Variants in GCH1 observed in about 807,000 individuals in gnomAD.
GCH1 encodes GTP cyclohydrolase 1, also known as GTP cyclohydrolase I.
GCH1 carries 5 observed loss-of-function variants against 25.9 expected under a neutral mutation model. The observed-to-expected ratio is 0.19, with a 90% CI of 0.10 to 0.41. The LOEUF is 0.41. Among genes scored for constraint, GCH1 ranks in the 10% least tolerant of loss-of-function variants. The pLI is 1.00. For synonymous variants in GCH1, 159 were observed against 129.6 expected (o/e 1.23, Z -1.54); for missense variants, 261 against 336.5 (o/e 0.78, Z 1.75).
intron 1 of GCH1, among the ~76,000 whole-genome samples, chr14:54,866,915 C>T (rs900279519): frequency 6.6e-5 from 10 of 152,162 alleles, no homozygotes; most frequent in South Asian, 2.1e-4. Flanking sequence ...GAGAAAAAGG[C>T]GCAGTGTCAC....
intron 1 of GCH1, among the ~76,000 whole-genome samples, chr14:54,868,928 G>A (rs1473220474): frequency 2.6e-5 from 4 of 151,986 alleles, no homozygotes; most frequent in Admixed American, 6.5e-5. Flanking sequence ...TTTTAGAGAT[G>A]GGATCTTGAT....
chr14:54,877,707 C>T (rs560500673), intron 1 of GCH1, among the ~76,000 whole-genome samples: 6 of 152,232 alleles, frequency 3.9e-5, no homozygotes, highest in East Asian at 3.9e-4. Flanking sequence ...GTTGCCCAGG[C>T]TGGTCTCAAA....
At chr14:54,883,989 C>T (rs866307470) in intron 1 of GCH1, among the ~76,000 whole-genome samples, 1 of 152,168 alleles carries the variant, frequency 6.6e-6, no homozygotes, top group Non-Finnish European at 1.5e-5. Flanking sequence ...AAGTTGTACC[C>T]ACATTCTAGA....
chr14:54,865,274 G>A lies in GCH1; in HGVS notation c.453+53C>T, dbSNP rs529294290. 6.7e-4 allele frequency: 565 copies of A among 844,768 alleles called. 1 individual carries two copies. In the African/African-American group the frequency reaches 8.5e-3, roughly 13 times the overall value. The allele number at this position is 844,768 out of a possible 1,614,324, so 52.3% of individuals were successfully genotyped here. ...AATTTTAAATATAATTATTCTAATT[G>A]AAAAACTTTCACTATGTTTTAAATT... On this transcript the variant is annotated intron_variant, in intron 2 of 5. Coordinates refer to ENST00000491895, the MANE Select transcript of GCH1 (RefSeq NM_000161.3).
chr14:54,882,111 C>A (rs1466950381), intron 1 of GCH1, among the ~76,000 whole-genome samples: 1 of 152,224 alleles, frequency 6.6e-6, no homozygotes, highest in Admixed American at 6.5e-5. Context: ...AATCCCTCCA[C>A]CCTGATGCAA....
Position 54,902,038 on chromosome 14 carries a change from C to G in GCH1, c.343+283G>C, listed in dbSNP as rs376427058. Among the ~76,000 whole-genome samples, 10 of 152,264 alleles carry G rather than the reference C, an allele frequency of 6.6e-5. No homozygotes were observed. The East Asian group carries it at 1.9e-3, about 29-fold the overall frequency. ...CTCCGGGCTCCCGTCCACGCCCACC[C>G]GGGGCGTTCTAGGAGGGCTGCGCGC... is the stretch of plus-strand genomic sequence containing the variant. On this transcript the variant is annotated intron_variant, in intron 1 of 5. Coordinates refer to ENST00000491895, the MANE Select transcript of GCH1 (RefSeq NM_000161.3).
intron 1 of GCH1, chr14:54,885,570 C>A: frequency 2.5e-6 from 1 of 393,460 alleles, no homozygotes; most frequent in East Asian, 7.1e-5. Flanking sequence ...AGGGATGAAT[C>A]CCTGATGTCA....
At chr14:54,844,620 A>G (rs2039612564) in intron 5 of GCH1, among the ~76,000 whole-genome samples, 1 of 152,220 alleles carries the variant, frequency 6.6e-6, no homozygotes, top group South Asian at 2.1e-4. Context: ...GAATTCAGAT[A>G]ATGGTGACCA....
At chr14:54,847,845 C>G (rs2039666890) in intron 3 of GCH1, among the ~76,000 whole-genome samples, 1 of 151,934 alleles carries the variant, frequency 6.6e-6, no homozygotes, top group East Asian at 1.9e-4. Flanking sequence ...TTTTAAAGTT[C>G]CAAATCATCA....
intron 2 of GCH1, among the ~76,000 whole-genome samples, chr14:54,862,138 C>T (rs2039905728): frequency 6.6e-6 from 1 of 152,040 alleles, no homozygotes; most frequent in African/African-American, 2.4e-5. Flanking sequence ...AAGCAATCTT[C>T]CTGCCTCAGA....
At chr14:54,865,816 A>C (rs944300125) in intron 1 of GCH1, among the ~76,000 whole-genome samples, 4 of 152,214 alleles carry the variant, frequency 2.6e-5, no homozygotes, top group African/African-American at 9.6e-5. Context: ...GTCTATAATC[A>C]ATATGTAGAA....
At chr14:54,897,568 C>T (rs1042582498) in intron 1 of GCH1, among the ~76,000 whole-genome samples, 27 of 152,060 alleles carry the variant, frequency 1.8e-4, no homozygotes, top group Middle Eastern at 3.4e-3. Context: ...GGATTACAGG[C>T]GTGAGCCACC....
intron 1 of GCH1, among the ~76,000 whole-genome samples, chr14:54,900,313 G>A (rs928892907): frequency 6.6e-5 from 10 of 151,862 alleles, no homozygotes; most frequent in Admixed American, 5.9e-4. Context: ...GGGTTCAAGT[G>A]ATTCTCCTGC....
At chr14:54,901,939 G>C (rs1386065306) in intron 1 of GCH1, among the ~76,000 whole-genome samples, 1 of 152,188 alleles carries the variant, frequency 6.6e-6, no homozygotes, top group East Asian at 1.9e-4. Context: ...AAGTGCCCAG[G>C]TGATCCTTAT....
At position 54,867,286 on chromosome 14, in the gene GCH1, G is replaced by C. The variant is rs557666158; in HGVS notation, c.344-1850C>G. Among the ~76,000 whole-genome samples the C allele has an allele frequency of 2.6e-5, 4 of 152,036 alleles. No homozygotes were observed. In the South Asian group the frequency reaches 8.3e-4, roughly 32 times the overall value. On this transcript the variant is annotated intron_variant, in intron 1 of 5. Transcript: ENST00000491895. ...TTAAAGTCAGCCCTTCAACTCAGGC[G>C]AAGTGAAGAGCTGGCTCCAGGCTGG...
Position 54,843,352 on chromosome 14 carries a change from CG to C in GCH1, c.*664del. The C allele has an allele frequency of 1.6e-6, 2 of 1,280,604 alleles. No individual in the cohort carries two copies. Among genetic ancestry groups the C allele is most frequent in the South Asian group, 4.7e-5 (2 of 42,830 alleles). 79.3% of individuals were successfully genotyped at this position (1,280,604 alleles called of 1,614,324 possible). On this transcript the variant is annotated 3_prime_UTR_variant, in exon 6 of 6. Coordinates refer to ENST00000491895, the MANE Select transcript of GCH1 (RefSeq NM_000161.3). Reference sequence around the variant, plus strand: ...CTGTATGTTGACACGAGAATACACTCGTAAACAACACCAGGAACTAATTCCC... The same window carrying C: ...CTGTATGTTGACACGAGAATACACTCTAAACAACACCAGGAACTAATTCCC...
chr14:54,899,419 C>A (rs548445849), intron 1 of GCH1, among the ~76,000 whole-genome samples: 1 of 152,272 alleles, frequency 6.6e-6, no homozygotes, highest in South Asian at 2.1e-4. Flanking sequence ...GATTGCGCCA[C>A]TGCACTCCAG....
chr14:54,865,951 T>C (rs182779912), intron 1 of GCH1, among the ~76,000 whole-genome samples: 1 of 152,258 alleles, frequency 6.6e-6, no homozygotes, highest in Admixed American at 6.5e-5. Context: ...AAGTGTTCTA[T>C]ATATTGTAGG....
At chr14:54,900,890 A>ACACAC in intron 1 of GCH1, among the ~76,000 whole-genome samples, 1 of 120,166 alleles carries the variant, frequency 8.3e-6, no homozygotes, top group South Asian at 2.5e-4. Flanking sequence ...CACACACACA[A>ACACAC]ATTTAAAGCC....
Sources: allele counts gnomAD v4.1 joint callset (sites outside exome capture counted in the v4.1 genomes callset), GRCh38; gene constraint gnomAD v4.1.1; transcripts MANE v1.5; gene names NCBI Gene and HGNC (gene_info 2026-07-23, HGNC 2026-07-21).